Variants in ONECUT2 observed in about 807,000 individuals in gnomAD.
The protein encoded by ONECUT2 is one cut homeobox 2.
A neutral mutation model predicts 27.9 loss-of-function variants in ONECUT2; 10 were observed. The observed-to-expected ratio is 0.36, with a 90% confidence interval of 0.22 to 0.61. The LOEUF is 0.61. Ranked by LOEUF, ONECUT2 falls within the 20% of genes least tolerant of loss-of-function variation. The pLI is 0.73. For missense variants in ONECUT2, 686 were observed against 721.0 expected (o/e 0.95, Z 0.56); for synonymous variants, 334 against 315.1 (o/e 1.06, Z -0.64).
chr18:57,444,396 G>T (rs1432308381), intron 1 of ONECUT2: 6 of 456,658 alleles, frequency 1.3e-5, no homozygotes, highest in Admixed American at 2.3e-5. Context: ...GCCACAGGCA[G>T]CAGCAGCTCC....
In ONECUT2 at chr18:57,435,603, T is replaced by A; in HGVS notation, c.-114T>A. 1.1e-6 allele frequency: 1 copy of A among 901,634 alleles called. No individual in the cohort carries two copies. Among genetic ancestry groups the A allele is most frequent in the Non-Finnish European group, 1.3e-6 (1 of 762,618 alleles). 55.9% of individuals were successfully genotyped at this position (901,634 alleles called of 1,614,324 possible). A position where few individuals can be genotyped will look rare whatever the true frequency, so the allele number is the denominator to read the frequency against. On this transcript the variant is annotated 5_prime_UTR_variant, in exon 1 of 2. Coordinates refer to ENST00000491143, the MANE Select transcript of ONECUT2 (RefSeq NM_004852.3). ...GCGCACACCCGCACGCGCACTCCTC[T>A]CCACTCACTCCCGCGCCCGCCCCCA...
In ONECUT2 at chr18:57,481,395, T is replaced by C. The variant is rs745958755; in HGVS notation, c.*4672T>C. 24 of 152,202 alleles carry C rather than the reference T, an allele frequency of 1.6e-4. No homozygotes were observed. Among genetic ancestry groups the C allele is most frequent in the Non-Finnish European group, 2.9e-4 (20 of 68,030 alleles). 9.4% of individuals were successfully genotyped at this position (152,202 alleles called of 1,614,324 possible). A position where few individuals can be genotyped will look rare whatever the true frequency, so the allele number is the denominator to read the frequency against. On this transcript the variant is annotated 3_prime_UTR_variant, in exon 2 of 2. Transcript: ENST00000491143. Reference sequence around the variant, plus strand: ...TTAGCAAATCCAGAATAATTTTCAATTCAAGCTAAAATAAAATCAACATTT... The same window carrying C: ...TTAGCAAATCCAGAATAATTTTCAACTCAAGCTAAAATAAAATCAACATTT...
At chr18:57,458,723 A>C (rs2122126145) in intron 1 of ONECUT2, among the ~76,000 whole-genome samples, 1 of 152,010 alleles carries the variant, frequency 6.6e-6, no homozygotes, top group Middle Eastern at 3.4e-3. Context: ...ACCCATGGGA[A>C]TGTTTCCTAG....
chr18:57,449,712 T>C (rs2050219715), intron 1 of ONECUT2, among the ~76,000 whole-genome samples: 1 of 152,240 alleles, frequency 6.6e-6, no homozygotes, highest in Non-Finnish European at 1.5e-5. Flanking sequence ...GTCCTCACTG[T>C]CCTGTCCATG....
intron 1 of ONECUT2, among the ~76,000 whole-genome samples, chr18:57,442,534 C>G (rs547299792): frequency 1.3e-5 from 2 of 152,030 alleles, no homozygotes; most frequent in Admixed American, 1.3e-4. Flanking sequence ...AGTGCCCTAC[C>G]GGACCCTTTT....
chr18:57,441,444 C>T (rs1436342114), intron 1 of ONECUT2, among the ~76,000 whole-genome samples: 1 of 152,188 alleles, frequency 6.6e-6, no homozygotes, highest in African/African-American at 2.4e-5. Context: ...CCCCGCGAGG[C>T]CCCAGCCCGC....
At chr18:57,445,338 G>A (rs1420636867) in intron 1 of ONECUT2, among the ~76,000 whole-genome samples, 1 of 152,216 alleles carries the variant, frequency 6.6e-6, no homozygotes, top group African/African-American at 2.4e-5. Context: ...CTTTTGTTGT[G>A]GAGCAGAGTA....
chr18:57,465,744 T>C (rs2050317833), intron 1 of ONECUT2, among the ~76,000 whole-genome samples: 1 of 152,214 alleles, frequency 6.6e-6, no homozygotes, highest in Admixed American at 6.5e-5. Context: ...CATTCTGGCT[T>C]GCCATGGTCA....
rs2050442391 is a variant in ONECUT2, at chr18:57,487,137, G to T, written c.*10414G>T. On this transcript the variant is annotated 3_prime_UTR_variant, in exon 2 of 2. Transcript: ENST00000491143. The stretch of plus-strand genomic sequence containing the variant: ...GGTGGTAATATTGGTTTTATTGGGA[G>T]ATGTGTCACCTCGAAAATACCCTTT... 1.3e-5 allele frequency: 2 copies of T among 152,598 alleles called. No individual in the cohort carries two copies. The highest frequency in any genetic ancestry group is 2.9e-5 in the Non-Finnish European group (2 of 68,038). The allele number at this position is 152,598 out of a possible 1,614,324, so 9.5% of individuals were successfully genotyped here. A position where few individuals can be genotyped will look rare whatever the true frequency, so the allele number is the denominator to read the frequency against.
chr18:57,461,663 G>C (rs2050292496), intron 1 of ONECUT2, among the ~76,000 whole-genome samples: 1 of 152,232 alleles, frequency 6.6e-6, no homozygotes, highest in African/African-American at 2.4e-5. Flanking sequence ...AAACTCCAGA[G>C]AAAATATGCC....
chr18:57,436,293 G>C lies in ONECUT2; in HGVS notation c.577G>C (p.Gly193Arg). 6.2e-7 allele frequency: 1 copy of C among 1,604,192 alleles called. No individual in the cohort carries two copies. The highest frequency in any genetic ancestry group is 8.5e-7 in the Non-Finnish European group (1 of 1,179,560). ...CCAGCGCCTGTCCGGCAACGTCAGC[G>C]GCAGCTTCACCCTCATGCGCGACGA... ...HHQRLSGNVS[G>R]SFTLMRDERG... Residue 193 changes from glycine to arginine, a missense_variant, in exon 1 of 2, where the codon GGC becomes CGC. By Grantham distance (125) the Gly-to-Arg change is moderately radical. Around this residue, in one of 4 missense-constraint regions of ONECUT2, gnomAD observed 511 missense variants for 488.1 expected, o/e 1.05. Transcript: ENST00000491143. The surrounding 1 kb of genome is among the most constrained non-coding windows in gnomAD (Gnocchi z 5.9).
At position 57,482,127 on chromosome 18, in the gene ONECUT2, T is replaced by C. The variant is rs2050419206; in HGVS notation, c.*5404T>C. 6.6e-6 allele frequency: 1 copy of C among 152,208 alleles called. No individual in the cohort carries two copies. The allele number at this position is 152,208 out of a possible 1,614,324, so 9.4% of individuals were successfully genotyped here. A position where few individuals can be genotyped will look rare whatever the true frequency, so the allele number is the denominator to read the frequency against. On this transcript the variant is annotated 3_prime_UTR_variant, in exon 2 of 2. Transcript: ENST00000491143. ...TAAGGCCACAAAAATCCTTACGGAA[T>C]GAAGAATGGCACCCCAGTTGGTTGT...
intron 1 of ONECUT2, chr18:57,444,416 A>T (rs1568118778): frequency 2.2e-6 from 1 of 456,734 alleles, no homozygotes; most frequent in African/African-American, 2.0e-5. Context: ...CTTGAGTTCC[A>T]GCAGGATCTG....
chr18:57,447,464 C>G lies in ONECUT2; in HGVS notation c.1228+10520C>G, dbSNP rs74568569. Among the ~76,000 whole-genome samples, 205 of 152,316 alleles carry G rather than the reference C, an allele frequency of 1.3e-3. 2 individuals carry two copies. In the East Asian group the frequency reaches 0.017, roughly 13 times the overall value. On this transcript the variant is annotated intron_variant, in intron 1 of 1. Transcript: ENST00000491143. ...GGCTTTTCAGCTCTCTGTGTGAGAT[C>G]AGCGATAATAAAGGGAAGAGGAGGC...
chr18:57,460,633 A>T (rs780257501), intron 1 of ONECUT2, among the ~76,000 whole-genome samples: 31 of 148,092 alleles, frequency 2.1e-4, no homozygotes, highest in Non-Finnish European at 3.9e-4. Flanking sequence ...GAATTTATAT[A>T]TTATTTTGAT....
intron 1 of ONECUT2, among the ~76,000 whole-genome samples, chr18:57,446,228 C>T (rs890497230): frequency 6.6e-6 from 1 of 152,242 alleles, no homozygotes; most frequent in Non-Finnish European, 1.5e-5. Context: ...GTTTACATTT[C>T]CCAACTGCTG....
At chr18:57,476,228 T>C (rs1330766690) in intron 1 of ONECUT2, among the ~76,000 whole-genome samples, 1 of 152,242 alleles carries the variant, frequency 6.6e-6, no homozygotes, top group Non-Finnish European at 1.5e-5. Context: ...ACAGCCCTGC[T>C]GCTTTGTCCT....
At chr18:57,444,088 A>G (rs2050189404) in intron 1 of ONECUT2, among the ~76,000 whole-genome samples, 1 of 152,206 alleles carries the variant, frequency 6.6e-6, no homozygotes, top group Non-Finnish European at 1.5e-5. Context: ...GGAAAGGTAA[A>G]ATTAAGGGGA....
At chr18:57,448,662 T>G (rs1014123662) in intron 1 of ONECUT2, among the ~76,000 whole-genome samples, 8 of 152,246 alleles carry the variant, frequency 5.3e-5, no homozygotes, top group Admixed American at 6.5e-5. Flanking sequence ...TTGGCAACAG[T>G]AAGTGTAGCC....
Sources: gnomAD v4.1 joint callset for allele counts (sites outside exome capture counted in the v4.1 genomes callset) on GRCh38, gnomAD v4.1.1 for gene constraint, gnomAD v4.1.1 regional missense constraint, Gnocchi (gnomAD v3.1) non-coding constraint, MANE v1.5 for transcripts, NCBI Gene and HGNC (gene_info 2026-07-23, HGNC 2026-07-21) for gene names.